The following SLC47A2 variants were observed in gnomAD, a reference collection of about 807,000 sequenced individuals.
SLC47A2 encodes solute carrier family 47 member 2, also known as multidrug and toxin extrusion protein 2.
Under a neutral mutation model 67.7 loss-of-function variants are expected in SLC47A2, and 52 were observed. The ratio of observed to expected loss-of-function variants is 0.77; its 90% CI spans 0.61 to 0.97. SLC47A2 has a LOEUF of 0.97. Ranked by LOEUF, SLC47A2 falls within the 50% of genes least tolerant of loss-of-function variation. The pLI is 0.00. For missense variants in SLC47A2, 676 were observed against 712.3 expected (o/e 0.95, Z 0.58); for synonymous variants, 278 against 292.9 (o/e 0.95, Z 0.52).
intron 11 of SLC47A2, 26 bp downstream of exon 11, chr17:19,704,044 G>T (rs1281594453): frequency 1.3e-6 from 2 of 1,562,732 alleles, no homozygotes; most frequent in Non-Finnish European, 8.7e-7. Flanking sequence ...ACGTTTGAAG[G>T]CCCACCAGGA....
rs1381917652 is a variant in SLC47A2 at position 19,685,125 on chromosome 17, C to T, written c.1165-3455G>A. 1.3e-5 allele frequency among the ~76,000 whole-genome samples: 2 copies of T among 152,308 alleles called. No individual in the cohort carries two copies. Among genetic ancestry groups the T allele is most frequent in the African/African-American group, 4.8e-5 (2 of 41,572 alleles). ...CCTCCTGAGGTGCTGGGATTGCAGA[C>T]GGAGTCTCGCTCACTCAATGCTCAA... On this transcript the variant is annotated intron_variant, in intron 13 of 16. Transcript: ENST00000433844. The surrounding 1 kb of genome is among the most constrained non-coding windows in gnomAD (Gnocchi z 4.5).
intron 8 of SLC47A2, among the ~76,000 whole-genome samples, chr17:19,707,160 G>C (rs2085962786): frequency 1.3e-5 from 2 of 152,146 alleles, no homozygotes; most frequent in African/African-American, 4.8e-5. Flanking sequence ...ACACACCACA[G>C]GTGCACTGGG....
intron 10 of SLC47A2, among the ~76,000 whole-genome samples, chr17:19,704,442 A>G (rs1371605868): frequency 6.6e-6 from 1 of 152,268 alleles, no homozygotes; most frequent in Non-Finnish European, 1.5e-5. Context: ...GGGCCTTGCA[A>G]CCGAAATCAC....
chr17:19,707,840 G>T lies in SLC47A2; in HGVS notation c.633C>A (p.Gly211=). The change falls in exon 8 of 17, where the codon GGC becomes GGA. Residue 211 remains glycine, a synonymous_variant. Transcript: ENST00000433844. The part of the protein sequence containing the change: ...LVSVLNLGVR[G]SAYANIISQF... ...GGGAGATGATGTTGGCATAGGCGGA[G>T]CCCCTGGGTAAGGAGGGAGAACAGG... 6.3e-7 allele frequency: 1 copy of T among 1,592,210 alleles called. No individual in the cohort carries two copies.
At chr17:19,692,332 G>A (rs1002884069) in intron 13 of SLC47A2, 6 of 420,134 alleles carry the variant, frequency 1.4e-5, no homozygotes, top group Non-Finnish European at 2.3e-5. Context: ...GTTAGACATA[G>A]ATTACCAAAA....
At chr17:19,680,138 G>T (rs992153136) in intron 15 of SLC47A2, 99 bp from the exon 16 acceptor site, 2 of 1,165,028 alleles carry the variant, frequency 1.7e-6, no homozygotes, top group African/African-American at 3.1e-5. Context: ...ATTGCAAGCT[G>T]AAGCAGCATA....
chr17:19,705,597 C>CTT (rs34629869), intron 9 of SLC47A2, 94 bp from the exon 10 acceptor site: 297 of 892,090 alleles, frequency 3.3e-4, no homozygotes, highest in Admixed American at 4.5e-4. Flanking sequence ...GACTCAGGGG[C>CTT]TTTTTTTTTT....
intron 15 of SLC47A2, 91 bp downstream of exon 15, chr17:19,681,276 T>C: frequency 9.5e-7 from 1 of 1,049,740 alleles, no homozygotes; most frequent in Non-Finnish European, 1.4e-6. Context: ...CAAGTTCTGA[T>C]GTGCTCTGGG....
At chr17:19,689,822 T>C (rs2085502123) in intron 13 of SLC47A2, among the ~76,000 whole-genome samples, 1 of 152,118 alleles carries the variant, frequency 6.6e-6, no homozygotes, top group East Asian at 1.9e-4. Context: ...GAAGAATTAA[T>C]ATTGTTAAAA....
chr17:19,718,743 C>G (rs2086310651), upstream of SLC47A2: 1 of 152,354 alleles, frequency 6.6e-6, no homozygotes, highest in Admixed American at 6.5e-5. Context: ...TTGGCCGCCC[C>G]AGGCAAAGGT....
intron 5 of SLC47A2, among the ~76,000 whole-genome samples, chr17:19,709,596 A>G (rs1351991949): frequency 2.6e-5 from 4 of 151,826 alleles, no homozygotes; most frequent in Non-Finnish European, 5.9e-5. Flanking sequence ...GTGTGTGTGT[A>G]CTTAATATAC....
chr17:19,705,230 A>G (rs2085898077), intron 10 of SLC47A2: 1 of 498,056 alleles, frequency 2.0e-6, no homozygotes, highest in Non-Finnish European at 3.5e-6. Context: ...TGTGAGTGAA[A>G]TATCACCCTT....
chr17:19,688,421 T>C (rs1410067012), intron 13 of SLC47A2, among the ~76,000 whole-genome samples: 2 of 151,744 alleles, frequency 1.3e-5, no homozygotes, highest in Non-Finnish European at 2.9e-5. Flanking sequence ...AACGGGAGAA[T>C]TGGAAGCCTT....
chr17:19,687,046 C>G (rs2085444829), intron 13 of SLC47A2, among the ~76,000 whole-genome samples: 5 of 152,110 alleles, frequency 3.3e-5, no homozygotes, highest in Admixed American at 3.3e-4. Flanking sequence ...ATATTTGAGT[C>G]ACAAAACAAG....
At chr17:19,682,486 A>C (rs2085338774) in intron 13 of SLC47A2, among the ~76,000 whole-genome samples, 1 of 152,102 alleles carries the variant, frequency 6.6e-6, no homozygotes, top group Non-Finnish European at 1.5e-5. Flanking sequence ...TGCTTTTTCT[A>C]GCTTCTAGAA....
chr17:19,714,110 C>G, intron 3 of SLC47A2, 137 bp from the exon 4 acceptor site: 1 of 1,212,044 alleles, frequency 8.3e-7, no homozygotes, highest in Non-Finnish European at 1.1e-6. Flanking sequence ...GCCTGGCGCC[C>G]GCAGCCTGTA....
At chr17:19,680,438 C>G (rs1434860049) in intron 15 of SLC47A2, among the ~76,000 whole-genome samples, 1 of 152,168 alleles carries the variant, frequency 6.6e-6, no homozygotes, top group Non-Finnish European at 1.5e-5. Flanking sequence ...CGAGATTGTA[C>G]CACTGCATTC....
intron 13 of SLC47A2, 96 bp downstream of exon 13, chr17:19,702,506 TAAC>T: frequency 6.4e-7 from 1 of 1,558,234 alleles, no homozygotes; most frequent in Non-Finnish European, 8.7e-7. Flanking sequence ...TCATGTGTAT[TAAC>T]AAGTTCATCC....
rs1367544236 is a variant in SLC47A2, at chr17:19,681,482, T to C, written c.1298-21A>G. ...GAGGCCTGGAGGAGACAAGTGATGA[T>C]GGGAACAATGTCCGACGACCACCCA... is the stretch of plus-strand genomic sequence containing the variant. On this transcript the variant is annotated intron_variant, in intron 14 of 16. Coordinates refer to ENST00000433844, the MANE Select transcript of SLC47A2 (RefSeq NM_001099646.3). 5 of 1,613,852 alleles carry C rather than the reference T, an allele frequency of 3.1e-6. No homozygotes were observed. The African/African-American group carries it at 5.3e-5, about 17-fold the overall frequency.
Sources: gnomAD v4.1 joint callset for allele counts (sites outside exome capture counted in the v4.1 genomes callset) on GRCh38, gnomAD v4.1.1 for gene constraint, Gnocchi (gnomAD v3.1) non-coding constraint, MANE v1.5 for transcripts, NCBI Gene and HGNC (gene_info 2026-07-23, HGNC 2026-07-21) for gene names.